The following CCDC57 variants were observed in gnomAD, a reference collection of about 807,000 sequenced individuals.
CCDC57 encodes coiled-coil domain containing 57.
In CCDC57, 118 loss-of-function variants were observed where a neutral mutation model predicts 118.9. The observed-to-expected ratio is 0.99, with a 90% CI of 0.86 to 1.16. CCDC57 has a LOEUF of 1.16. Ranked by LOEUF, CCDC57 falls within the 50% of genes most tolerant of loss-of-function variation. The pLI is 0.00. For synonymous variants in CCDC57, 527 were observed against 532.9 expected, an observed-to-expected ratio of 0.99 and a Z score of 0.15; for missense variants, 1,300 against 1,320.7, an observed-to-expected ratio of 0.98 and a Z score of 0.24.
chr17:82,201,503 C>A, intron 3 of CCDC57, 35 bp downstream of exon 2: 1 of 1,533,002 alleles, frequency 6.5e-7, no homozygotes, highest in Non-Finnish European at 8.8e-7. Flanking sequence ...CTCTGCCAGG[C>A]ACTGCACAGG....
chr17:82,113,885 A>T, intron 19 of CCDC57: 1 of 559,426 alleles, frequency 1.8e-6, no homozygotes, highest in Non-Finnish European at 3.2e-6. Flanking sequence ...AGTTGAGGCC[A>T]CAGTGAACCA....
At chr17:82,194,172 T>C (rs2048018151) in intron 5 of CCDC57, 33 bp from the exon 5 acceptor site, 1 of 1,595,862 alleles carries the variant, frequency 6.3e-7, no homozygotes, top group Non-Finnish European at 8.6e-7. Flanking sequence ...CAAAATGAGG[T>C]GATAATTAGA....
In CCDC57 at chr17:82,198,225, G is replaced by C. The variant is rs1037847851; in HGVS notation, c.516+89C>G. The C allele has an allele frequency of 5.4e-6, 4 of 743,474 alleles. No homozygotes were observed. In the African/African-American group the frequency reaches 7.2e-5, roughly 13 times the overall value. The allele number at this position is 743,474 out of a possible 1,614,324, so 46.1% of individuals were successfully genotyped here. On this transcript the variant is annotated intron_variant, in intron 4 of 19. Transcript: ENST00000665763. ...GAGAATGCAGGCAATGAACCAAATG[G>C]TTGTCTTTTCCTCAGCCCTATATGA...
intron 4 of CCDC57, among the ~76,000 whole-genome samples, chr17:82,196,208 CCTT>C (rs1281224052): frequency 6.6e-6 from 1 of 152,208 alleles, no homozygotes; most frequent in African/African-American, 2.4e-5. Context: ...TCCTCAAACT[CCTT>C]CTTTGGAAGT....
rs185564782 is a variant in CCDC57, at chr17:82,109,812, G to A, written c.2900-7946C>T. 2.9e-4 allele frequency among the ~76,000 whole-genome samples: 44 copies of A among 151,704 alleles called. No homozygotes were observed. In the East Asian group the frequency reaches 5.9e-3, roughly 20 times the overall value. ...GCGGAGCTTGCAGTGAGCTGAGATC[G>A]CGCCACCGCACTCCAGCCTGGGCGA... On this transcript the variant is annotated intron_variant, in intron 19 of 19. Coordinates refer to ENST00000665763, the Ensembl canonical transcript of CCDC57.
chr17:82,203,985 C>A (rs771825376), intron 2 of CCDC57, among the ~76,000 whole-genome samples: 1 of 152,132 alleles, frequency 6.6e-6, no homozygotes, highest in Admixed American at 6.5e-5. Context: ...CCGGCTGTGA[C>A]GAAGCACAAG....
At chr17:82,101,729 C>T (rs2034465067) in exon 20 of CCDC57, 1 of 1,607,876 alleles carries the variant, frequency 6.2e-7, no homozygotes, top group African/African-American at 1.3e-5. Flanking sequence ...CTCTGGCAGC[C>T]TTTAGCTTTT....
chr17:82,142,604 G>A (rs1277578085), intron 16 of CCDC57, among the ~76,000 whole-genome samples: 2 of 152,132 alleles, frequency 1.3e-5, no homozygotes, highest in African/African-American at 4.8e-5. Flanking sequence ...GAGCCGCTAT[G>A]CCCGGCCTAG....
In CCDC57 at chr17:82,181,243, G is replaced by A. The variant is rs79485006; in HGVS notation, c.1212-2054C>T. Among the ~76,000 whole-genome samples, 1,125 of 152,334 alleles carry A rather than the reference G, an allele frequency of 7.4e-3. 11 individuals are homozygous for A. The highest frequency in any genetic ancestry group is 0.026 in the African/African-American group (1,085 of 41,576). On this transcript the variant is annotated intron_variant, in intron 9 of 19. Coordinates refer to ENST00000665763, the Ensembl canonical transcript of CCDC57. ...ACACCGGCTGGGCCAAGAGCAACTC[G>A]TGGGAACGAAGCAGCCAGCACGGGG...
At chr17:82,119,103 T>TGGGGGTGGGAGTGGGGGC (rs2036310905) in intron 19 of CCDC57, among the ~76,000 whole-genome samples, 1 of 5,854 alleles carries the variant, frequency 1.7e-4, no homozygotes, top group Admixed American at 2.5e-3. Context: ...GGGGCGGGGG[T>TGGGGGTGGGAGTGGGGGC]GGGGGTGGGA....
chr17:82,191,288 G>A (rs2047643116), intron 7 of CCDC57, among the ~76,000 whole-genome samples: 1 of 152,002 alleles, frequency 6.6e-6, no homozygotes, highest in African/African-American at 2.4e-5. Flanking sequence ...TGTAGAAGAA[G>A]CAGTGCCAGA....
At chr17:82,170,493 G>T (rs2044547167) in intron 13 of CCDC57, among the ~76,000 whole-genome samples, 1 of 138,152 alleles carries the variant, frequency 7.2e-6, no homozygotes, top group African/African-American at 2.7e-5. Flanking sequence ...GGGCAACAGA[G>T]CAAGACTCTG....
chr17:82,208,681 C>T (rs995127466), intron 1 of CCDC57, among the ~76,000 whole-genome samples: 4 of 151,918 alleles, frequency 2.6e-5, no homozygotes, highest in Non-Finnish European at 5.9e-5. Context: ...CAGGCAGGCA[C>T]CACCATGCCC....
chr17:82,188,197 G>A (rs1483601236), intron 8 of CCDC57, 22 bp downstream of exon 7: 2 of 1,528,748 alleles, frequency 1.3e-6, no homozygotes, highest in South Asian at 1.2e-5. Flanking sequence ...CACCCTCTGG[G>A]TGGAGCCAAG....
intron 18 of CCDC57, 104 bp downstream of exon 17, chr17:82,128,389 T>A: frequency 2.8e-6 from 2 of 723,138 alleles, no homozygotes; most frequent in Non-Finnish European, 4.5e-6. Context: ...AAGGCAGGCA[T>A]GCAGAGCGAA....
exon 9 of CCDC57, chr17:82,183,795 C>T (rs747167538): frequency 6.4e-6 from 10 of 1,572,652 alleles, no homozygotes; most frequent in Middle Eastern, 1.7e-4. Flanking sequence ...CTGCTGGGAT[C>T]GGGCCACCTG....
chr17:82,201,416 G>C (rs1251281473), intron 3 of CCDC57, 122 bp downstream of exon 2: 26 of 1,259,796 alleles, frequency 2.1e-5, no homozygotes, highest in Non-Finnish European at 2.8e-5. Context: ...CCGTGGCCTG[G>C]AATCAGCAGC....
chr17:82,208,618 C>G (rs1433932097), intron 1 of CCDC57, among the ~76,000 whole-genome samples: 1 of 152,130 alleles, frequency 6.6e-6, no homozygotes, highest in African/African-American at 2.4e-5. Context: ...GGCTCATTCA[C>G]TTTGTACTCA....
At chr17:82,141,520 A>G (rs1244243215) in intron 16 of CCDC57, among the ~76,000 whole-genome samples, 5 of 152,204 alleles carry the variant, frequency 3.3e-5, no homozygotes, top group Admixed American at 2.6e-4. Context: ...TTAAAAGTCA[A>G]TCTGAAATTC....
Sources: gnomAD v4.1 joint callset for allele counts (sites outside exome capture counted in the v4.1 genomes callset) on GRCh38, gnomAD v4.1.1 for gene constraint, MANE v1.5 for transcripts, NCBI Gene and HGNC (gene_info 2026-07-23, HGNC 2026-07-21) for gene names.